CFAP46: variants seen among roughly 807,000 people sequenced by gnomAD.
The protein encoded by CFAP46 is cilia and flagella associated protein 46.
In CFAP46, 245 loss-of-function variants were observed where a neutral mutation model predicts 325.7. The ratio of observed to expected loss-of-function variants is 0.75; its 90% CI spans 0.68 to 0.84. CFAP46 has a LOEUF of 0.84. Ranked by LOEUF, CFAP46 falls within the 40% of genes least tolerant of loss-of-function variation. The probability of loss-of-function intolerance (pLI) is 0.00; values close to 1 mark genes in which losing one functional copy is unlikely to be tolerated. For synonymous variants in CFAP46, 1,523 were observed against 1,495.9 expected (o/e 1.02, Z -0.42); for missense variants, 3,346 against 3,543.0 (o/e 0.94, Z 1.41).
chr10:132,896,929 AAT>A (rs547082230), intron 24 of CFAP46, among the ~76,000 whole-genome samples: 2 of 152,220 alleles, frequency 1.3e-5, no homozygotes, highest in Admixed American at 6.5e-5. Flanking sequence ...AGGCCGGTGA[AAT>A]AGAATAGAGA....
intron 19 of CFAP46, among the ~76,000 whole-genome samples, chr10:132,911,974 T>C (rs1849546450): frequency 6.6e-6 from 1 of 152,080 alleles, no homozygotes; most frequent in Non-Finnish European, 1.5e-5. Flanking sequence ...ACTTCCTAGA[T>C]TGTTCTCACG....
intron 35 of CFAP46, among the ~76,000 whole-genome samples, 176 bp downstream of exon 35, chr10:132,865,849 A>G (rs1172739226): frequency 6.6e-6 from 1 of 152,230 alleles, no homozygotes; most frequent in Non-Finnish European, 1.5e-5. Flanking sequence ...CAAAAGACGG[A>G]CAGACAGAGG....
rs1282044410 is a variant in CFAP46, at chr10:132,884,402, G to A, written c.3627+701C>T. Among the ~76,000 whole-genome samples the A allele has an allele frequency of 6.6e-6, 1 of 152,220 alleles. No individual in the cohort carries two copies. Among genetic ancestry groups the A allele is most frequent in the Non-Finnish European group, 1.5e-5 (1 of 68,036 alleles). On this transcript the variant is annotated intron_variant, in intron 27 of 57. Coordinates refer to ENST00000368586, the MANE Select transcript of CFAP46 (RefSeq NM_001200049.3). This position sits in a 1 kb window ranked among gnomAD's most constrained non-coding sequence, Gnocchi z 5.4. ...GACCCCAGAACAATCCAAAGGCCTCGGGGCAGGATTGCTCTGAGCCGGAGA... is the reference window on the plus strand; with the variant it reads ...GACCCCAGAACAATCCAAAGGCCTCAGGGCAGGATTGCTCTGAGCCGGAGA...
At chr10:132,898,214 A>G (rs576814949) in intron 24 of CFAP46, among the ~76,000 whole-genome samples, 4 of 152,224 alleles carry the variant, frequency 2.6e-5, no homozygotes, top group African/African-American at 9.6e-5. Flanking sequence ...ATGCCTCCCC[A>G]TCTCCCAGCA....
chr10:132,851,861 T>G (rs113198156), intron 39 of CFAP46, among the ~76,000 whole-genome samples: 2 of 130,130 alleles, frequency 1.5e-5, no homozygotes, highest in Non-Finnish European at 3.3e-5. Context: ...TGTTCCTCCA[T>G]TTACTTAGGA....
intron 24 of CFAP46, among the ~76,000 whole-genome samples, chr10:132,892,993 G>C (rs1414753259): frequency 6.6e-6 from 1 of 152,186 alleles, no homozygotes; most frequent in African/African-American, 2.4e-5. Context: ...GCCAGCACCA[G>C]GGAAAGGCCA....
rs372508852 is a variant in CFAP46 at position 132,810,419 on chromosome 10, C to A, written c.7654G>T (p.Gly2552Cys). Residue 2552 changes from glycine to cysteine, a missense_variant, in exon 57 of 58, where the codon GGT becomes TGT. Gly to Cys is a radical substitution (Grantham distance 159). Transcript: ENST00000368586. Reference sequence around the variant, plus strand: ...CCGCCCCTCCCTTACCTTGGTTCACCGCCTCGTCGCCACTCATCTTCTGAA... The same window carrying A: ...CCGCCCCTCCCTTACCTTGGTTCACAGCCTCGTCGCCACTCATCTTCTGAA... ...SPSEDEWRRG[G>C]EPRRGFSDLE... The A allele has an allele frequency of 1.2e-5, 20 of 1,613,290 alleles. No individual in the cohort carries two copies. The South Asian group carries it at 2.1e-4, about 17-fold the overall frequency.
At chr10:132,816,328 CTTTTT>C (rs1008391673) in intron 50 of CFAP46, among the ~76,000 whole-genome samples, 2 of 118,842 alleles carry the variant, frequency 1.7e-5, no homozygotes, top group African/African-American at 3.2e-5. Flanking sequence ...CTGACTTCTT[CTTTTT>C]TTTTTTTTTT....
At position 132,885,821 on chromosome 10, in the gene CFAP46, A is replaced by C; in HGVS notation, c.3443T>G (p.Leu1148Arg). The change falls in exon 26 of 58, where the codon CTC (leucine) becomes CGC (arginine). Residue 1148 changes from leucine to arginine, a missense_variant and splice_region_variant. Leu to Arg is a moderately radical substitution (Grantham distance 102). Coordinates refer to ENST00000368586, the MANE Select transcript of CFAP46 (RefSeq NM_001200049.3). ...CACAGGCGGTGGGGGGAGCACTCAC[A>C]GGCGGTGGGCCGTCCTTGGCAGCAC... ...VQVLPRTAHR[L>R]LIFKHMVIVK... 6.6e-7 allele frequency: 1 copy of C among 1,508,092 alleles called. No individual in the cohort carries two copies. 93.4% of individuals were successfully genotyped at this position (1,508,092 alleles called of 1,614,324 possible).
At position 132,899,118 on chromosome 10, in the gene CFAP46, G is replaced by C. The variant is rs1410921002; in HGVS notation, c.3060C>G (p.Phe1020Leu). The C allele has an allele frequency of 6.5e-7, 1 of 1,529,106 alleles. No homozygotes were observed. The highest frequency in any genetic ancestry group is 8.8e-7 in the Non-Finnish European group (1 of 1,134,156). The allele number at this position is 1,529,106 out of a possible 1,614,324, so 94.7% of individuals were successfully genotyped here. Residue 1020 changes from phenylalanine (F) to leucine (L), a missense_variant, in exon 24 of 58, where the codon TTC becomes TTG. By Grantham distance (22) the Phe-to-Leu change is conservative. Transcript: ENST00000368586. The part of the protein sequence containing the change: ...AAKAFTESAR[F>L]GGIAGSSALV... ...GGGCGCTGCTGCCCGCGATGCCTCC[G>C]AACCTAAAAGAGGGCAGGTCATGAC...
chr10:132,936,359 T>C (rs112141272), intron 7 of CFAP46, among the ~76,000 whole-genome samples: 2 of 53,346 alleles, frequency 3.7e-5, no homozygotes. Context: ...ATCTCCTCAC[T>C]CCCCTCGGCA....
chr10:132,876,489 G>A lies in CFAP46; in HGVS notation c.4362+323C>T, dbSNP rs556939672. On this transcript the variant is annotated intron_variant, in intron 31 of 57. Transcript: ENST00000368586. This position sits in a 1 kb window ranked among gnomAD's most constrained non-coding sequence, Gnocchi z 4.1. Reference sequence around the variant, plus strand: ...TTTGAGCCCAGGGACACTGATTTTCGGCTTCCGGCCTCCAGAACCATGAGG... The same window carrying A: ...TTTGAGCCCAGGGACACTGATTTTCAGCTTCCGGCCTCCAGAACCATGAGG... Among the ~76,000 whole-genome samples, 5 of 152,264 alleles carry A rather than the reference G, an allele frequency of 3.3e-5. No individual in the cohort carries two copies. Among genetic ancestry groups the A allele is most frequent in the East Asian group, 1.9e-4 (1 of 5,180 alleles).
intron 13 of CFAP46, among the ~76,000 whole-genome samples, chr10:132,920,656 G>A (rs528346971): frequency 6.8e-4 from 104 of 152,296 alleles, no homozygotes; most frequent in Middle Eastern, 3.4e-3. Flanking sequence ...ACCCTGGGGG[G>A]CCTCCTGTGC....
intron 44 of CFAP46, among the ~76,000 whole-genome samples, chr10:132,844,425 T>C (rs1848400507): frequency 1.3e-5 from 2 of 152,184 alleles, no homozygotes; most frequent in Admixed American, 1.3e-4. Flanking sequence ...CTTCCACGGC[T>C]GATAACTTCA....
chr10:132,884,996 C>G lies in CFAP46; in HGVS notation c.3627+107G>C. On this transcript the variant is annotated intron_variant, in intron 27 of 57. Transcript: ENST00000368586. This position sits in a 1 kb window ranked among gnomAD's most constrained non-coding sequence, Gnocchi z 5.4. Reference sequence around the variant, plus strand: ...TCTGTGCCCGTCAGCTGTGGCTGCTCTGCGTGCTGCCCCACACCAGGTCCC... The same window carrying G: ...TCTGTGCCCGTCAGCTGTGGCTGCTGTGCGTGCTGCCCCACACCAGGTCCC... The G allele has an allele frequency of 8.0e-7, 1 of 1,242,800 alleles. No individual in the cohort carries two copies. Among genetic ancestry groups the G allele is most frequent in the Non-Finnish European group, 1.1e-6 (1 of 912,738 alleles). 77.0% of individuals were successfully genotyped at this position (1,242,800 alleles called of 1,614,324 possible).
At chr10:132,811,832 G>GC (rs992830326) in intron 55 of CFAP46, among the ~76,000 whole-genome samples, 19 of 152,224 alleles carry the variant, frequency 1.2e-4, no homozygotes, top group African/African-American at 4.6e-4. Context: ...GTCCTGCTTG[G>GC]CCCCACCCAA....
intron 9 of CFAP46, among the ~76,000 whole-genome samples, chr10:132,927,099 G>A (rs1393582257): frequency 2.0e-5 from 3 of 152,188 alleles, no homozygotes; most frequent in Non-Finnish European, 4.4e-5. Context: ...CCCAGGCCTC[G>A]GTGGCCTTAC....
rs1400913682 is a variant in CFAP46 at position 132,886,506 on chromosome 10, A to C, written c.3305-547T>G. 6.6e-6 allele frequency among the ~76,000 whole-genome samples: 1 copy of C among 152,090 alleles called. No homozygotes were observed. The highest frequency in any genetic ancestry group is 2.4e-5 in the African/African-American group (1 of 41,430). On this transcript the variant is annotated intron_variant, in intron 25 of 57. Transcript: ENST00000368586. The surrounding 1 kb of genome is among the most constrained non-coding windows in gnomAD (Gnocchi z 5.8). ...GCCTGCCTGCCGGGAGGTGAGCCCC[A>C]CCCAGCCTCCATAGGGCGCCCTGTG...
At chr10:132,837,073 G>T in intron 44 of CFAP46, 159 bp from the exon 45 acceptor site, 1 of 591,188 alleles carries the variant, frequency 1.7e-6, no homozygotes. Context: ...GGCCCTGCTG[G>T]AAGTGACTCG....
Sources: gnomAD v4.1 joint callset for allele counts (sites outside exome capture counted in the v4.1 genomes callset) on GRCh38, gnomAD v4.1.1 for gene constraint, Gnocchi (gnomAD v3.1) non-coding constraint, MANE v1.5 for transcripts, NCBI Gene and HGNC (gene_info 2026-07-23, HGNC 2026-07-21) for gene names.